NRXN3: variants seen among roughly 807,000 people sequenced by gnomAD.
The protein encoded by NRXN3 is neurexin 3.
A neutral mutation model predicts 137.6 loss-of-function variants in NRXN3; 32 were observed. That is an observed-to-expected ratio of 0.23 (90% CI 0.18 to 0.31). NRXN3 has a LOEUF of 0.31. NRXN3 is among the 10% of genes least tolerant of loss of function. The pLI, the probability that NRXN3 is intolerant of heterozygous loss-of-function variation, is 1.00. For missense variants in NRXN3, 1,574 were observed against 2,062.5 expected (o/e 0.76, Z 4.59); for synonymous variants, 798 against 784.5 (o/e 1.02, Z -0.29).
At chr14:79,422,845 G>A (rs1176271440) in intron 15 of NRXN3, among the ~76,000 whole-genome samples, 4 of 151,592 alleles carry the variant, frequency 2.6e-5, no homozygotes, top group Non-Finnish European at 5.9e-5. Context: ...GACTACAGGC[G>A]CCCTCCACCA....
chr14:78,554,564 A>T (rs1242499905), intron 4 of NRXN3, among the ~76,000 whole-genome samples: 1 of 152,142 alleles, frequency 6.6e-6, no homozygotes, highest in African/African-American at 2.4e-5. Context: ...TGCCCTTCAA[A>T]GGAAAAGAAA....
chr14:78,351,679 G>A (rs2083510381), intron 4 of NRXN3, among the ~76,000 whole-genome samples: 1 of 150,778 alleles, frequency 6.6e-6, no homozygotes, highest in East Asian at 1.9e-4. Flanking sequence ...TCCTAGATTT[G>A]TTGGAATTCT....
chr14:78,375,384 T>C (rs1262020855), intron 4 of NRXN3, among the ~76,000 whole-genome samples: 2 of 152,204 alleles, frequency 1.3e-5, no homozygotes, highest in African/African-American at 4.8e-5. Flanking sequence ...CCTTTCAATA[T>C]TTATAGTCCC....
chr14:79,560,264 T>C lies in NRXN3; in HGVS notation c.3444+92862T>C, dbSNP rs150824841. 2.1e-4 allele frequency among the ~76,000 whole-genome samples: 32 copies of C among 152,160 alleles called. No homozygotes were observed. In the East Asian group the frequency reaches 3.5e-3, roughly 17 times the overall value. On this transcript the variant is annotated intron_variant, in intron 16 of 20. Transcript: ENST00000335750. Reference sequence around the variant, plus strand: ...AATTCAGTCTTTCCTCTGGCCTGGTTCGTCAAACTTTCTAAAAAATTATGG... The same window carrying C: ...AATTCAGTCTTTCCTCTGGCCTGGTCCGTCAAACTTTCTAAAAAATTATGG...
chr14:79,198,004 C>G (rs556871241), intron 15 of NRXN3, among the ~76,000 whole-genome samples: 1 of 152,188 alleles, frequency 6.6e-6, no homozygotes, highest in African/African-American at 2.4e-5. Flanking sequence ...ACTCTTTGCT[C>G]ATCTATAAGA....
chr14:79,833,283 G>A (rs910146306), intron 20 of NRXN3, among the ~76,000 whole-genome samples: 2 of 151,966 alleles, frequency 1.3e-5, no homozygotes, highest in African/African-American at 4.8e-5. Context: ...TTTTAGATTC[G>A]ACTCTTAATA....
chr14:78,350,099 C>G (rs2083280984), intron 4 of NRXN3, among the ~76,000 whole-genome samples: 1 of 152,054 alleles, frequency 6.6e-6, no homozygotes, highest in Admixed American at 6.6e-5. Flanking sequence ...ACCAGCTTGG[C>G]CAACATGGTG....
intron 15 of NRXN3, among the ~76,000 whole-genome samples, chr14:79,286,569 A>G (rs930510657): frequency 3.0e-4 from 44 of 147,974 alleles, no homozygotes; most frequent in Admixed American, 1.1e-3. Context: ...TAGTGTATAT[A>G]TAAGTTCTGG....
At chr14:78,352,044 C>T (rs1179211482) in intron 4 of NRXN3, among the ~76,000 whole-genome samples, 1 of 150,552 alleles carries the variant, frequency 6.6e-6, no homozygotes, top group African/African-American at 2.4e-5. Flanking sequence ...ACCGAGATCG[C>T]ACCACTGCAC....
In NRXN3 at chr14:78,842,895, C is replaced by G. The variant is rs186232955; in HGVS notation, c.2275+32551C>G. 5.9e-5 allele frequency among the ~76,000 whole-genome samples: 9 copies of G among 152,232 alleles called. 1 individual carries two copies. The highest frequency in any genetic ancestry group is 2.2e-4 in the African/African-American group (9 of 41,542). The stretch of plus-strand genomic sequence containing the variant: ...TGGCAGTCAGAGTTTAAGGTTATCT[C>G]TCTTGTTCCCTGAACATTGCTGTTA... On this transcript the variant is annotated intron_variant, in intron 10 of 20. Transcript: ENST00000335750.
At chr14:78,190,952 G>A (rs1191513962) in intron 1 of NRXN3, among the ~76,000 whole-genome samples, 1 of 152,152 alleles carries the variant, frequency 6.6e-6, no homozygotes, top group Non-Finnish European at 1.5e-5. Context: ...GGGATTACAG[G>A]CATGAGCTGC....
chr14:79,149,239 T>TTG (rs2059578151), intron 15 of NRXN3, among the ~76,000 whole-genome samples: 1 of 151,944 alleles, frequency 6.6e-6, no homozygotes, highest in Non-Finnish European at 1.5e-5. Flanking sequence ...GGTCAGATCT[T>TTG]CACGTTGAAA....
intron 10 of NRXN3, among the ~76,000 whole-genome samples, chr14:78,898,554 CGTGT>C (rs66861661): frequency 0.072 from 9,769 of 136,192 alleles, 412 homozygotes; most frequent in East Asian, 0.14. Flanking sequence ...AGCTGGGTTT[CGTGT>C]GTGTGTGTGT....
intron 8 of NRXN3, among the ~76,000 whole-genome samples, chr14:78,745,712 A>T (rs991645124): frequency 2.0e-5 from 3 of 152,160 alleles, no homozygotes; most frequent in African/African-American, 7.2e-5. Context: ...GTTTTATCTC[A>T]TTCAGAGTGA....
At chr14:79,617,904 A>G (rs985272431) in intron 16 of NRXN3, among the ~76,000 whole-genome samples, 2 of 141,106 alleles carry the variant, frequency 1.4e-5, no homozygotes, top group Admixed American at 7.0e-5. Flanking sequence ...CAGAGATAGG[A>G]GCTGAATAGC....
At chr14:78,193,545 A>ATG (rs1442748826) in intron 1 of NRXN3, among the ~76,000 whole-genome samples, 1 of 152,080 alleles carries the variant, frequency 6.6e-6, no homozygotes, top group Non-Finnish European at 1.5e-5. Context: ...AAGAGGCCAA[A>ATG]GTTAGGTGTG....
chr14:79,259,987 G>T (rs2077354671), intron 15 of NRXN3, among the ~76,000 whole-genome samples: 1 of 152,102 alleles, frequency 6.6e-6, no homozygotes, highest in Non-Finnish European at 1.5e-5. Flanking sequence ...CATTCACTCA[G>T]TTGTGCCAGA....
chr14:78,534,269 A>T (rs928916932), intron 4 of NRXN3, among the ~76,000 whole-genome samples: 1 of 152,220 alleles, frequency 6.6e-6, no homozygotes, highest in Non-Finnish European at 1.5e-5. Flanking sequence ...ATGATATTTT[A>T]TATCAAAACT....
At chr14:78,869,301 C>T (rs1308455760) in intron 10 of NRXN3, among the ~76,000 whole-genome samples, 2 of 152,098 alleles carry the variant, frequency 1.3e-5, no homozygotes, top group Non-Finnish European at 2.9e-5. Context: ...CTAGGGTGAG[C>T]TCTTACTATC....
Sources: allele counts gnomAD v4.1 joint callset (sites outside exome capture counted in the v4.1 genomes callset), GRCh38; gene constraint gnomAD v4.1.1; transcripts MANE v1.5; gene names NCBI Gene and HGNC (gene_info 2026-07-23, HGNC 2026-07-21).